TCF7L2: variants seen among roughly 807,000 people sequenced by gnomAD.
TCF7L2 encodes transcription factor 7-like 2.
In TCF7L2, 23 loss-of-function variants were observed where a neutral mutation model predicts 77.9. That is an observed-to-expected ratio of 0.30 (90% confidence interval 0.21 to 0.42). The LOEUF is 0.42. Among genes scored for constraint, TCF7L2 ranks in the 10% least tolerant of loss-of-function variants. The pLI is 1.00. For synonymous variants in TCF7L2, 413 were observed against 340.2 expected (o/e 1.21, Z -2.36); for missense variants, 654 against 793.1 (o/e 0.82, Z 2.11).
intron 5 of TCF7L2, among the ~76,000 whole-genome samples, chr10:113,139,750 T>C (rs542359284): frequency 2.0e-5 from 3 of 150,946 alleles, no homozygotes; most frequent in Admixed American, 1.3e-4. Flanking sequence ...AAAGACACTT[T>C]CCCCTCAATT....
At chr10:113,028,160 A>G (rs1363343510) in intron 4 of TCF7L2, among the ~76,000 whole-genome samples, 1 of 152,208 alleles carries the variant, frequency 6.6e-6, no homozygotes, top group Non-Finnish European at 1.5e-5. Flanking sequence ...AACAGGGGGA[A>G]CAACTGGGGC....
At chr10:113,108,103 C>T (rs2062636606) in intron 5 of TCF7L2, among the ~76,000 whole-genome samples, 1 of 152,150 alleles carries the variant, frequency 6.6e-6, no homozygotes, top group South Asian at 2.1e-4. Flanking sequence ...CACCAAGCTT[C>T]CTCTTGGCTC....
rs373425129 is a variant in TCF7L2, at chr10:112,950,840, G to C, written c.84G>C (p.Glu28Asp). The C allele has an allele frequency of 1.4e-4, 226 of 1,608,322 alleles. No individual in the cohort carries two copies. Among genetic ancestry groups the C allele is most frequent in the Non-Finnish European group, 1.8e-4 (214 of 1,177,360 alleles). The change falls in exon 1 of 14, where the codon GAG becomes GAC. Residue 28 changes from glutamate to aspartate, a missense_variant. Glu to Asp is a conservative substitution (Grantham distance 45). This residue lies in a region of TCF7L2 where 37 missense variants were observed against 48.1 expected (regional missense o/e 0.77). Transcript: ENST00000627217. Reference sequence around the variant, plus strand: ...CCTTCAAAGACGAGGGCGAACAGGAGGAGAAGAGCTCCGAAAACTCCTCGG... The same window carrying C: ...CCTTCAAAGACGAGGGCGAACAGGACGAGAAGAGCTCCGAAAACTCCTCGG...
At chr10:113,077,893 A>G (rs1231939318) in intron 5 of TCF7L2, among the ~76,000 whole-genome samples, 1 of 125,482 alleles carries the variant, frequency 8.0e-6, no homozygotes, top group African/African-American at 3.1e-5. Flanking sequence ...TTATTTATTT[A>G]TTTATTTATT....
intron 5 of TCF7L2, among the ~76,000 whole-genome samples, chr10:113,061,406 T>G (rs1199718465): frequency 6.6e-6 from 1 of 152,232 alleles, no homozygotes; most frequent in East Asian, 1.9e-4. Flanking sequence ...GCGGCCACTT[T>G]CCTATACATT....
intron 5 of TCF7L2, among the ~76,000 whole-genome samples, chr10:113,057,287 A>G (rs1302385456): frequency 1.3e-5 from 2 of 152,230 alleles, no homozygotes; most frequent in Non-Finnish European, 2.9e-5. Context: ...CTCCTGCCTC[A>G]GTCTCCAGAA....
intron 12 of TCF7L2, chr10:113,160,574 AC>A (rs1242036952): frequency 6.5e-7 from 1 of 1,542,234 alleles, no homozygotes; most frequent in Non-Finnish European, 8.8e-7. Flanking sequence ...ACTGAGCACG[AC>A]CCACCATTGT....
Position 113,152,413 on chromosome 10 carries a change from C to T in TCF7L2, c.1242C>T (p.Tyr414=), listed in dbSNP as rs553911738. The T allele has an allele frequency of 1.2e-6, 2 of 1,614,020 alleles. No homozygotes were observed. Among genetic ancestry groups the T allele is most frequent in the Non-Finnish European group, 1.7e-6 (2 of 1,180,018 alleles). ...AGCGACAGCTTCATATGCAACTGTA[C>T]CCCGGCTGGTCCGCGCGGGATAACT... The change falls in exon 11 of 14, where the codon TAC becomes TAT. Residue 414 remains tyrosine (Y), a synonymous_variant. Coordinates refer to ENST00000627217, the MANE Select transcript of TCF7L2 (RefSeq NM_001146274.2).
chr10:113,106,375 A>G (rs1396518040), intron 5 of TCF7L2, among the ~76,000 whole-genome samples: 1 of 152,222 alleles, frequency 6.6e-6, no homozygotes, highest in African/African-American at 2.4e-5. Flanking sequence ...ACTAGAATCC[A>G]GATCTCTTGG....
intron 5 of TCF7L2, among the ~76,000 whole-genome samples, chr10:113,119,279 G>A (rs968014588): frequency 2.0e-5 from 3 of 152,068 alleles, no homozygotes; most frequent in African/African-American, 7.2e-5. Flanking sequence ...TTTGGTCTCC[G>A]ATGGTGATTT....
At chr10:113,067,881 G>A (rs1331095554) in intron 5 of TCF7L2, among the ~76,000 whole-genome samples, 1 of 67,980 alleles carries the variant, frequency 1.5e-5, no homozygotes, top group Non-Finnish European at 3.2e-5. Context: ...TTGGTGGGAG[G>A]GGGCTAGAGT....
chr10:113,163,005 T>C (rs1386197897), intron 13 of TCF7L2, among the ~76,000 whole-genome samples: 1 of 145,030 alleles, frequency 6.9e-6, no homozygotes, highest in Non-Finnish European at 1.5e-5. Flanking sequence ...GGACAAAATG[T>C]ACTTAAAAAA....
chr10:112,959,688 T>C lies in TCF7L2; in HGVS notation c.382-4868T>C, dbSNP rs1036085685. ...AAGTCAGAGGCCCCCCTTGGTACTT[T>C]TTATAAGGGCAGGCAGTCACCCAAA... On this transcript the variant is annotated intron_variant, in intron 3 of 13. Transcript: ENST00000627217. 3.3e-5 allele frequency among the ~76,000 whole-genome samples: 5 copies of C among 152,132 alleles called. 1 individual carries two copies. Among genetic ancestry groups the C allele is most frequent in the Admixed American group, 2.0e-4 (3 of 15,278 alleles).
chr10:112,958,678 T>C (rs2034305937), intron 3 of TCF7L2, among the ~76,000 whole-genome samples: 1 of 152,194 alleles, frequency 6.6e-6, no homozygotes, highest in African/African-American at 2.4e-5. Context: ...AATTATGATG[T>C]ACTAAAATAT....
intron 4 of TCF7L2, among the ~76,000 whole-genome samples, chr10:113,033,635 A>G (rs1207326908): frequency 1.3e-5 from 2 of 152,220 alleles, no homozygotes; most frequent in Admixed American, 1.3e-4. Flanking sequence ...CTAGGTAACT[A>G]TAGTACATAC....
intron 2 of TCF7L2, 78 bp downstream of exon 2, chr10:112,951,351 C>A: frequency 1.0e-6 from 1 of 984,548 alleles, no homozygotes; most frequent in Non-Finnish European, 1.2e-6. Flanking sequence ...CGGCCCCGCG[C>A]CCGGCTCGGC....
chr10:113,158,598 G>C, intron 12 of TCF7L2, 69 bp from the exon 13 acceptor site: 1 of 1,527,006 alleles, frequency 6.5e-7, no homozygotes. Flanking sequence ...CCTTGGAGAA[G>C]GCCAGGCTTT....
intron 4 of TCF7L2, among the ~76,000 whole-genome samples, chr10:113,025,329 C>T (rs1213669448): frequency 6.6e-6 from 1 of 151,624 alleles, no homozygotes; most frequent in Non-Finnish European, 1.5e-5. Context: ...ATCTCCGCCT[C>T]CTGGGTTCAA....
intron 5 of TCF7L2, among the ~76,000 whole-genome samples, chr10:113,073,910 A>C (rs902345999): frequency 6.6e-6 from 1 of 152,160 alleles, no homozygotes; most frequent in Non-Finnish European, 1.5e-5. Flanking sequence ...ACACCCCAGG[A>C]ATGATGATAC....
Sources: allele counts gnomAD v4.1 joint callset (sites outside exome capture counted in the v4.1 genomes callset), GRCh38; gene constraint gnomAD v4.1.1; regional missense constraint gnomAD v4.1.1; transcripts MANE v1.5; gene names NCBI Gene and HGNC (gene_info 2026-07-23, HGNC 2026-07-21).